EYS: variants seen among roughly 807,000 people sequenced by gnomAD.
The protein encoded by EYS is EGF-like photoreceptor maintenance factor.
In EYS, 250 loss-of-function variants were observed where a neutral mutation model predicts 282.1. That is an observed-to-expected ratio of 0.89 (90% CI 0.80 to 0.98). The LOEUF (loss-of-function observed/expected upper bound fraction) is 0.98, where lower values mean the gene tolerates loss of function less well. Among genes scored for constraint, EYS ranks in the 50% least tolerant of loss-of-function variants. EYS has a pLI of 0.00. For synonymous variants in EYS, 1,355 were observed against 1,282.9 expected, an observed-to-expected ratio of 1.06 and a Z score of -1.20; for missense variants, 4,016 against 3,709.0, an observed-to-expected ratio of 1.08 and a Z score of -2.15.
intron 35 of EYS, among the ~76,000 whole-genome samples, chr6:63,980,635 A>AGATG (rs1444428275): frequency 1.3e-5 from 2 of 151,920 alleles, no homozygotes; most frequent in Non-Finnish European, 2.9e-5. Context: ...GAAAGGCTGA[A>AGATG]TATTAACACA....
At chr6:64,016,828 G>A (rs927351971) in intron 33 of EYS, among the ~76,000 whole-genome samples, 1 of 151,980 alleles carries the variant, frequency 6.6e-6, no homozygotes, top group Non-Finnish European at 1.5e-5. Flanking sequence ...TCTCTTGTTA[G>A]CTAATCTATC....
intron 7 of EYS, among the ~76,000 whole-genome samples, chr6:65,394,291 A>G (rs770310219): frequency 4.3e-4 from 66 of 152,144 alleles, no homozygotes; most frequent in Middle Eastern, 6.8e-3. Flanking sequence ...GATAATCTTC[A>G]AAGCCATTAA....
intron 33 of EYS, among the ~76,000 whole-genome samples, chr6:63,999,522 C>T (rs1767982426): frequency 6.6e-6 from 1 of 152,122 alleles, no homozygotes; most frequent in Admixed American, 6.5e-5. Context: ...ATATGGTCTC[C>T]CTCATGTAGG....
At chr6:64,469,971 C>CCT (rs532083106) in intron 26 of EYS, among the ~76,000 whole-genome samples, 4 of 151,444 alleles carry the variant, frequency 2.6e-5, no homozygotes, top group East Asian at 3.9e-4. Flanking sequence ...TCTCTCTCTC[C>CCT]CTCTCTCTCT....
chr6:64,623,967 G>C (rs1268031993), intron 23 of EYS, among the ~76,000 whole-genome samples: 1 of 152,152 alleles, frequency 6.6e-6, no homozygotes, highest in Non-Finnish European at 1.5e-5. Context: ...GCATGATTAA[G>C]AGCTATGGCT....
intron 11 of EYS, 23 bp from the exon 12 acceptor site, chr6:65,296,142 A>T (rs1768659272): frequency 6.5e-7 from 1 of 1,531,786 alleles, no homozygotes; most frequent in African/African-American, 1.4e-5. Context: ...GAAATGAAAA[A>T]CCCAATTAGT....
intron 16 of EYS, among the ~76,000 whole-genome samples, chr6:64,908,428 C>A (rs973653850): frequency 1.3e-5 from 2 of 152,032 alleles, no homozygotes; most frequent in African/African-American, 2.4e-5. Context: ...TCAGTTGGTG[C>A]CTTGCCTCGT....
At chr6:64,368,896 T>G (rs756853543) in intron 29 of EYS, among the ~76,000 whole-genome samples, 2 of 152,154 alleles carry the variant, frequency 1.3e-5, no homozygotes, top group Non-Finnish European at 2.9e-5. Flanking sequence ...GTGCAGGAGC[T>G]CTTTAGCTTA....
At chr6:64,001,487 G>A (rs1768091371) in intron 33 of EYS, among the ~76,000 whole-genome samples, 1 of 151,888 alleles carries the variant, frequency 6.6e-6, no homozygotes. Flanking sequence ...TTGCACTTTA[G>A]ATTTATAATT....
intron 35 of EYS, among the ~76,000 whole-genome samples, chr6:63,867,956 C>T (rs1315203699): frequency 6.6e-6 from 1 of 152,100 alleles, no homozygotes; most frequent in Non-Finnish European, 1.5e-5. Flanking sequence ...GCTTGATGGG[C>T]ATTAGTTATT....
intron 7 of EYS, among the ~76,000 whole-genome samples, chr6:65,387,217 T>G (rs1442255605): frequency 2.0e-5 from 3 of 151,912 alleles, no homozygotes. Flanking sequence ...ACCTATGGAA[T>G]GCACACTACT....
chr6:63,993,007 G>A (rs573588523), intron 34 of EYS, among the ~76,000 whole-genome samples: 11 of 151,726 alleles, frequency 7.2e-5, no homozygotes, highest in East Asian at 1.9e-4. Flanking sequence ...TTCTTCCTGC[G>A]TTCATTCTCC....
At chr6:65,489,725 C>CA (rs1290156527) in intron 5 of EYS, 1 of 152,054 alleles carries the variant, frequency 6.6e-6, no homozygotes. Flanking sequence ...GGAACTAACC[C>CA]AAATGTCCAT....
At chr6:64,766,626 C>A (rs1365361955) in intron 22 of EYS, among the ~76,000 whole-genome samples, 3 of 18,180 alleles carry the variant, frequency 1.7e-4, no homozygotes, top group African/African-American at 5.3e-4. Flanking sequence ...AGTGAAACTC[C>A]GTCTCAAAAA....
intron 2 of EYS, among the ~76,000 whole-genome samples, chr6:65,595,812 T>C (rs1765384498): frequency 6.6e-6 from 1 of 152,150 alleles, no homozygotes. Flanking sequence ...TGACTCTTGG[T>C]ATTCCTACTG....
chr6:64,177,023 T>C (rs2150309873), intron 31 of EYS, among the ~76,000 whole-genome samples: 1 of 152,044 alleles, frequency 6.6e-6, no homozygotes, highest in East Asian at 1.9e-4. Context: ...ATCAATGATA[T>C]TTTAATTGAA....
intron 31 of EYS, among the ~76,000 whole-genome samples, chr6:64,220,235 A>T (rs1766058612): frequency 1.3e-5 from 2 of 152,222 alleles, no homozygotes; most frequent in South Asian, 4.1e-4. Flanking sequence ...CATTAAATAC[A>T]CCTTGGTTGG....
At chr6:65,627,424 G>C (rs562653892) in intron 2 of EYS, among the ~76,000 whole-genome samples, 1 of 152,258 alleles carries the variant, frequency 6.6e-6, no homozygotes, top group East Asian at 1.9e-4. Context: ...TCCCACTTTG[G>C]CGACACTTGA....
chr6:65,449,319 G>T (rs1270743941), intron 5 of EYS, among the ~76,000 whole-genome samples: 1 of 152,098 alleles, frequency 6.6e-6, no homozygotes, highest in African/African-American at 2.4e-5. Flanking sequence ...TTATTGGGAT[G>T]CATATAAGAC....
Sources: allele counts gnomAD v4.1 joint callset (sites outside exome capture counted in the v4.1 genomes callset), GRCh38; gene constraint gnomAD v4.1.1; transcripts MANE v1.5; gene names NCBI Gene and HGNC (gene_info 2026-07-23, HGNC 2026-07-21).